Variants in ZBTB25 observed in about 807,000 individuals in gnomAD.
ZBTB25 encodes the protein zinc finger and BTB domain-containing protein 25.
In ZBTB25, 20 loss-of-function variants were observed where a neutral mutation model predicts 34.2. That is an observed-to-expected ratio of 0.58 (90% CI 0.41 to 0.85). The LOEUF (loss-of-function observed/expected upper bound fraction) is 0.85, where lower values mean the gene tolerates loss of function less well. Among genes scored for constraint, ZBTB25 ranks in the 40% least tolerant of loss-of-function variants. The pLI, the probability that ZBTB25 is intolerant of heterozygous loss-of-function variation, is 0.00. For synonymous variants in ZBTB25, 175 were observed against 186.4 expected (o/e 0.94, Z 0.50); for missense variants, 437 against 521.8 (o/e 0.84, Z 1.58).
At chr14:64,452,541 G>T (rs911299969) in intron 2 of ZBTB25, among the ~76,000 whole-genome samples, 26 of 152,196 alleles carry the variant, frequency 1.7e-4, no homozygotes, top group Admixed American at 1.7e-3. Flanking sequence ...CAGCCCATGG[G>T]ACTGAGGCCC....
At chr14:64,488,118 A>C (rs1596616848) in intron 2 of ZBTB25, 61 bp from the exon 3 acceptor site, 2 of 1,565,248 alleles carry the variant, frequency 1.3e-6, no homozygotes. Flanking sequence ...CCTTTCAGTT[A>C]ACAGTATAGT....
At position 64,486,908 on chromosome 14, in the gene ZBTB25, C is replaced by A. The variant is rs1210102622; in HGVS notation, c.*15G>T. The A allele has an allele frequency of 3.9e-6, 6 of 1,534,248 alleles. No individual in the cohort carries two copies. The highest frequency in any genetic ancestry group is 1.2e-5 in the South Asian group (1 of 80,312). ...CTTTTTCAGAATTGGTATAAAAATT[C>A]TGAAAGAGAAGCTGCTACTCAACTA... On this transcript the variant is annotated 3_prime_UTR_variant, in exon 3 of 3. Coordinates refer to ENST00000608382, the MANE Select transcript of ZBTB25 (RefSeq NM_006977.5).
downstream of ZBTB25, among the ~76,000 whole-genome samples, chr14:64,475,707 C>G (rs2078713861): frequency 6.6e-6 from 1 of 152,164 alleles, no homozygotes; most frequent in African/African-American, 2.4e-5. Context: ...AGAAAATCCT[C>G]TGCAAAACTG....
At chr14:64,457,290 A>G (rs1195456298) in intron 2 of ZBTB25, among the ~76,000 whole-genome samples, 1 of 152,168 alleles carries the variant, frequency 6.6e-6, no homozygotes, top group East Asian at 1.9e-4. Context: ...GGTCTTGCAA[A>G]GCGTGAGCTG....
chr14:64,486,516 T>A lies in ZBTB25; in HGVS notation c.*407A>T. On this transcript the variant is annotated 3_prime_UTR_variant, in exon 3 of 3. Transcript: ENST00000608382. ...AGAAAATATTTAAAAATAATCCTGG[T>A]AGGAGTGAATTCATGTGAAATGTAG... 1.0e-6 allele frequency: 1 copy of A among 961,782 alleles called. No individual in the cohort carries two copies. Among genetic ancestry groups the A allele is most frequent in the Non-Finnish European group, 1.2e-6 (1 of 807,370 alleles). The allele number at this position is 961,782 out of a possible 1,614,324, so 59.6% of individuals were successfully genotyped here.
At chr14:64,494,827 A>G (rs967491405) in intron 1 of ZBTB25, among the ~76,000 whole-genome samples, 2 of 152,180 alleles carry the variant, frequency 1.3e-5, no homozygotes, top group Non-Finnish European at 2.9e-5. Flanking sequence ...TTTCATATAC[A>G]ATAACTTATT....
At position 64,485,063 on chromosome 14, in the gene ZBTB25, G is replaced by A; in HGVS notation, c.*1860C>T. ...AGCCTTTACTCACTTGTTTAAGGCA[G>A]AAACTCAACTGCCTTACACAATATC... On this transcript the variant is annotated 3_prime_UTR_variant, in exon 3 of 3. Coordinates refer to ENST00000608382, the MANE Select transcript of ZBTB25 (RefSeq NM_006977.5). 1 of 985,436 alleles carries A rather than the reference G, an allele frequency of 1.0e-6. No homozygotes were observed. Among genetic ancestry groups the A allele is most frequent in the South Asian group, 4.7e-5 (1 of 21,286 alleles). The allele number at this position is 985,436 out of a possible 1,614,324, so 61.0% of individuals were successfully genotyped here. A position where few individuals can be genotyped will look rare whatever the true frequency, so the allele number is the denominator to read the frequency against.
intron 2 of ZBTB25, among the ~76,000 whole-genome samples, chr14:64,459,216 A>C (rs2078523780): frequency 6.6e-6 from 1 of 152,170 alleles, no homozygotes; most frequent in East Asian, 1.9e-4. Context: ...TACTTAGCAA[A>C]ATGAGGAATT....
intron 1 of ZBTB25, among the ~76,000 whole-genome samples, chr14:64,493,813 C>T (rs936048224): frequency 5.3e-5 from 8 of 150,526 alleles, no homozygotes; most frequent in Non-Finnish European, 8.9e-5. Flanking sequence ...GTACAGAAAC[C>T]GTCTTGATAA....
upstream of ZBTB25, chr14:64,504,216 G>T (rs2079595682): frequency 6.6e-6 from 1 of 151,738 alleles, no homozygotes; most frequent in Non-Finnish European, 1.5e-5. Context: ...CATGGCGGGG[G>T]AAGTGACTCA....
chr14:64,470,627 T>G (rs1241740074), intron 2 of ZBTB25: 1 of 160,606 alleles, frequency 6.2e-6, no homozygotes, highest in Non-Finnish European at 1.5e-5. Flanking sequence ...CATTCACAAA[T>G]CCTTCAATCA....
intron 2 of ZBTB25, among the ~76,000 whole-genome samples, chr14:64,490,077 A>G (rs903717714): frequency 2.7e-5 from 4 of 149,928 alleles, no homozygotes; most frequent in Admixed American, 2.0e-4. Context: ...GCGTGGTGGC[A>G]GGCGCCTGTA....
In ZBTB25 at chr14:64,479,286, C is replaced by G. The variant is rs1285414378; in HGVS notation, c.*7637G>C. ...GGTACATATTCTGTATTGCGGGAGG[C>G]TGTCCTCTGCACTGAGATGTTTAGC... On this transcript the variant is annotated 3_prime_UTR_variant, in exon 3 of 3. Transcript: ENST00000608382. 1 of 152,180 alleles carries G rather than the reference C, an allele frequency of 6.6e-6. No homozygotes were observed. The highest frequency in any genetic ancestry group is 1.5e-5 in the Non-Finnish European group (1 of 68,038). The allele number at this position is 152,180 out of a possible 1,614,324, so 9.4% of individuals were successfully genotyped here.
At chr14:64,466,988 A>C (rs2078618789) in intron 2 of ZBTB25, 1 of 152,254 alleles carries the variant, frequency 6.6e-6, no homozygotes, top group South Asian at 2.1e-4. Flanking sequence ...AACCAAAAAA[A>C]TAAAATATAA....
rs183668402 is a variant in ZBTB25 at position 64,458,313 on chromosome 14, T to A, written c.174-8675A>T. The A allele has an allele frequency of 3.0e-4, 485 of 1,595,098 alleles. 3 individuals carry two copies. Among genetic ancestry groups the A allele is most frequent in the Non-Finnish European group, 3.0e-5 (35 of 1,162,622 alleles). ...GAATGGATTATTCTAAACAGGTAAG[T>A]TGTTACTGGGTAATAATTTGGCTTT... is the stretch of plus-strand genomic sequence containing the variant. On this transcript the variant is annotated intron_variant, in intron 2 of 2. Coordinates refer to the ZBTB25 transcript ENST00000555220.
chr14:64,451,210 C>T (rs2078366502), intron 2 of ZBTB25, among the ~76,000 whole-genome samples: 1 of 152,048 alleles, frequency 6.6e-6, no homozygotes, highest in Admixed American at 6.6e-5. Context: ...CTTGTAGTGA[C>T]TGGGTCTCCC....
At position 64,458,600 on chromosome 14, in the gene ZBTB25, T is replaced by C. The variant is rs1303476045; in HGVS notation, c.174-8962A>G. 9.1e-6 allele frequency: 4 copies of C among 441,928 alleles called. No homozygotes were observed. In the Admixed American group the frequency reaches 1.4e-4, roughly 15 times the overall value. The allele number at this position is 441,928 out of a possible 1,614,324, so 27.4% of individuals were successfully genotyped here. A position where few individuals can be genotyped will look rare whatever the true frequency, so the allele number is the denominator to read the frequency against. ...CTACAGAGGAAACTACAGGAGAGGTTAGACTCCCTCTGCTGAAGCCCCAGG... is the reference window on the plus strand; with the variant it reads ...CTACAGAGGAAACTACAGGAGAGGTCAGACTCCCTCTGCTGAAGCCCCAGG... On this transcript the variant is annotated intron_variant, in intron 2 of 2. Transcript: ENST00000555220.
Position 64,490,543 on chromosome 14 carries a change from G to GA in ZBTB25, c.-7-4dup. On this transcript the variant is annotated splice_region_variant and splice_polypyrimidine_tract_variant and intron_variant, in intron 1 of 2. Coordinates refer to ENST00000608382, the MANE Select transcript of ZBTB25 (RefSeq NM_006977.5). ...GGCTGGCAGTGTCCATTGTGGTTCT[G>GA]AAAAAAAGGACAAGATAAATGTAGA... The GA allele has an allele frequency of 4.4e-6, 7 of 1,599,284 alleles. No individual in the cohort carries two copies. The highest frequency in any genetic ancestry group is 2.2e-5 in the East Asian group (1 of 44,780).
intron 2 of ZBTB25, among the ~76,000 whole-genome samples, chr14:64,455,608 C>T (rs2078459087): frequency 1.3e-5 from 2 of 152,160 alleles, no homozygotes; most frequent in South Asian, 4.1e-4. Flanking sequence ...ATTGTACTGC[C>T]ATGCAATACA....
Sources: allele counts gnomAD v4.1 joint callset (sites outside exome capture counted in the v4.1 genomes callset), GRCh38; gene constraint gnomAD v4.1.1; transcripts MANE v1.5; gene names NCBI Gene and HGNC (gene_info 2026-07-23, HGNC 2026-07-21).